Variants in GALNTL6 observed in about 807,000 individuals in gnomAD.
GALNTL6 encodes the protein polypeptide N-acetylgalactosaminyltransferase-like 6.
Under a neutral mutation model 73.7 loss-of-function variants are expected in GALNTL6, and 46 were observed. The ratio of observed to expected loss-of-function variants is 0.62; its 90% CI spans 0.49 to 0.80. The LOEUF (loss-of-function observed/expected upper bound fraction) is 0.80, where lower values mean the gene tolerates loss of function less well. GALNTL6 is among the 30% of genes least tolerant of loss of function. The pLI is 0.00. For synonymous variants in GALNTL6, 259 were observed against 263.7 expected (o/e 0.98, Z 0.17); for missense variants, 604 against 755.0 (o/e 0.80, Z 2.34).
intron 2 of GALNTL6, among the ~76,000 whole-genome samples, chr4:172,028,455 A>T (rs1033934204): frequency 1.3e-5 from 2 of 152,132 alleles, no homozygotes; most frequent in African/African-American, 2.4e-5. Flanking sequence ...AAACAATTTT[A>T]TACAAATTCT....
At chr4:172,402,091 T>C (rs1293423740) in intron 5 of GALNTL6, among the ~76,000 whole-genome samples, 1 of 152,070 alleles carries the variant, frequency 6.6e-6, no homozygotes, top group Non-Finnish European at 1.5e-5. Flanking sequence ...TTTCTAATGA[T>C]ACTTCTACTT....
At chr4:172,813,864 G>C in intron 7 of GALNTL6, 141 bp downstream of exon 7, 1 of 575,062 alleles carries the variant, frequency 1.7e-6, no homozygotes, top group South Asian at 3.5e-5. Context: ...TCACAGAAAG[G>C]TCAGACCTAC....
chr4:172,941,315 G>A (rs1198045612), intron 9 of GALNTL6, among the ~76,000 whole-genome samples: 1 of 152,190 alleles, frequency 6.6e-6, no homozygotes, highest in Non-Finnish European at 1.5e-5. Context: ...AATGTAAATA[G>A]AATATCTGAA....
chr4:172,773,234 C>G (rs1285015089), intron 5 of GALNTL6, among the ~76,000 whole-genome samples: 1 of 152,146 alleles, frequency 6.6e-6, no homozygotes, highest in Non-Finnish European at 1.5e-5. Flanking sequence ...GGGTCTCACT[C>G]TGTCACCCAG....
chr4:172,317,995 T>G (rs990757095), intron 4 of GALNTL6, among the ~76,000 whole-genome samples: 21 of 152,084 alleles, frequency 1.4e-4, no homozygotes, highest in African/African-American at 5.1e-4. Context: ...TCAAACACTA[T>G]TCTAGCCTAG....
At chr4:172,078,390 G>T (rs1731774785) in intron 2 of GALNTL6, among the ~76,000 whole-genome samples, 1 of 152,116 alleles carries the variant, frequency 6.6e-6, no homozygotes, top group African/African-American at 2.4e-5. Context: ...AGGCCTCCCT[G>T]TCATGCTGTT....
intron 2 of GALNTL6, among the ~76,000 whole-genome samples, chr4:171,893,355 T>C (rs903850099): frequency 1.3e-5 from 2 of 152,200 alleles, no homozygotes; most frequent in Admixed American, 1.3e-4. Context: ...TACTATCCTA[T>C]TTTTAGTGAA....
chr4:171,931,858 A>G (rs1370094161), intron 2 of GALNTL6, among the ~76,000 whole-genome samples: 1 of 152,038 alleles, frequency 6.6e-6, no homozygotes, highest in Non-Finnish European at 1.5e-5. Context: ...TCATAAAACT[A>G]AAATCCTTAA....
Position 172,587,578 on chromosome 4 carries a change from A to G in GALNTL6, c.554-221783A>G, listed in dbSNP as rs1737462496. On this transcript the variant is annotated intron_variant, in intron 5 of 12. Coordinates refer to ENST00000506823, the MANE Select transcript of GALNTL6 (RefSeq NM_001034845.3). ...CAATGTAATCTCTCATCACCATTCA[A>G]TATGCACCGTACACTCAAACATAAA... Among the ~76,000 whole-genome samples the G allele has an allele frequency of 2.6e-5, 4 of 152,138 alleles. No individual in the cohort carries two copies. The South Asian group carries it at 8.3e-4, about 32-fold the overall frequency.
At chr4:172,177,157 T>C (rs1413045736) in intron 2 of GALNTL6, among the ~76,000 whole-genome samples, 1 of 152,096 alleles carries the variant, frequency 6.6e-6, no homozygotes, top group African/African-American at 2.4e-5. Context: ...AAAATGAAAA[T>C]CACAATACAC....
chr4:172,126,943 C>A (rs577474451), intron 2 of GALNTL6, among the ~76,000 whole-genome samples: 1 of 152,344 alleles, frequency 6.6e-6, no homozygotes, highest in South Asian at 2.1e-4. Flanking sequence ...CTGTCCTCAG[C>A]AGGAAGCCAC....
intron 2 of GALNTL6, among the ~76,000 whole-genome samples, chr4:172,028,211 A>C (rs1171751827): frequency 6.6e-6 from 1 of 152,082 alleles, no homozygotes; most frequent in Admixed American, 6.6e-5. Context: ...CAAAATAATA[A>C]AGATGAAAAG....
At chr4:172,497,676 G>C (rs373961428) in intron 5 of GALNTL6, among the ~76,000 whole-genome samples, 2 of 152,236 alleles carry the variant, frequency 1.3e-5, no homozygotes, top group Non-Finnish European at 2.9e-5. Flanking sequence ...AAAAATCCCT[G>C]GGCATATCAG....
At chr4:171,962,782 T>TTTTG (rs1739263481) in intron 2 of GALNTL6, among the ~76,000 whole-genome samples, 1 of 147,994 alleles carries the variant, frequency 6.8e-6, no homozygotes, top group Non-Finnish European at 1.5e-5. Flanking sequence ...TTTTTTTTTT[T>TTTTG]TGTGAGATGA....
intron 2 of GALNTL6, among the ~76,000 whole-genome samples, chr4:172,221,379 G>A (rs2654790): frequency 0.98 from 148,184 of 151,814 alleles, 72,428 homozygotes; most frequent in Non-Finnish European, 1. Flanking sequence ...GAAAAATTCA[G>A]CAGGTTATAA....
intron 3 of GALNTL6, among the ~76,000 whole-genome samples, chr4:172,255,663 A>G (rs777963774): frequency 1.3e-4 from 19 of 151,596 alleles, no homozygotes; most frequent in Non-Finnish European, 2.4e-4. Flanking sequence ...TATAGTGACT[A>G]CGTTGAAAAT....
At chr4:171,821,499 G>A (rs1177682254) in intron 2 of GALNTL6, among the ~76,000 whole-genome samples, 2 of 152,064 alleles carry the variant, frequency 1.3e-5, no homozygotes, top group Non-Finnish European at 2.9e-5. Context: ...GGCTTAGTAT[G>A]TTGTGACATT....
At chr4:172,700,978 G>C (rs1010638096) in intron 5 of GALNTL6, among the ~76,000 whole-genome samples, 4 of 152,050 alleles carry the variant, frequency 2.6e-5, no homozygotes, top group African/African-American at 4.8e-5. Flanking sequence ...TGAAGCTTAA[G>C]GAGCCTGAGG....
chr4:172,830,986 C>A (rs957677552), intron 7 of GALNTL6, among the ~76,000 whole-genome samples: 3 of 151,748 alleles, frequency 2.0e-5, no homozygotes, highest in African/African-American at 7.3e-5. Flanking sequence ...ATGGTGAAAC[C>A]CTGTCTCTAT....
Sources: gnomAD v4.1 joint callset for allele counts (sites outside exome capture counted in the v4.1 genomes callset) on GRCh38, gnomAD v4.1.1 for gene constraint, MANE v1.5 for transcripts, NCBI Gene and HGNC (gene_info 2026-07-23, HGNC 2026-07-21) for gene names.